UNC79: variants seen among roughly 807,000 people sequenced by gnomAD.
UNC79 encodes unc-79 subunit of NALCN channel complex.
UNC79 carries 37 observed loss-of-function variants against 283.1 expected under a neutral mutation model. That is an observed-to-expected ratio of 0.13 (90% CI 0.10 to 0.17). The LOEUF (loss-of-function observed/expected upper bound fraction) is 0.17. Ranked by LOEUF, UNC79 falls within the 10% of genes least tolerant of loss-of-function variation. UNC79 has a pLI of 1.00. For missense variants in UNC79, 2,272 were observed against 3,211.1 expected (o/e 0.71, Z 7.07); for synonymous variants, 1,107 against 1,200.2 (o/e 0.92, Z 1.61).
At chr14:93,599,382 G>T (rs866648239) in intron 24 of UNC79, among the ~76,000 whole-genome samples, 3 of 151,244 alleles carry the variant, frequency 2.0e-5, no homozygotes, top group Admixed American at 6.6e-5. Context: ...GTGTGTGTGT[G>T]TGTATGTGTG....
At chr14:93,519,135 A>C (rs938386212) in intron 7 of UNC79, among the ~76,000 whole-genome samples, 78 of 151,962 alleles carry the variant, frequency 5.1e-4, no homozygotes, top group Non-Finnish European at 4.3e-4. Context: ...GAAATTTACA[A>C]CTTCAGTTAT....
At chr14:93,637,059 C>G (rs2068569293) in intron 31 of UNC79, 157 bp from the exon 35 acceptor site, 2 of 666,346 alleles carry the variant, frequency 3.0e-6, no homozygotes, top group East Asian at 2.7e-5. Context: ...CCCAAATAAC[C>G]CTACCCTAAA....
intron 35 of UNC79, among the ~76,000 whole-genome samples, chr14:93,652,591 C>G (rs767158417): frequency 6.6e-6 from 1 of 152,082 alleles, no homozygotes; most frequent in Non-Finnish European, 1.5e-5. Context: ...TGTGTGTTGA[C>G]TTTTGTGAGA....
chr14:93,588,458 C>T (rs1220337180), intron 22 of UNC79, among the ~76,000 whole-genome samples: 1 of 152,046 alleles, frequency 6.6e-6, no homozygotes, highest in South Asian at 2.1e-4. Context: ...AAAATCTGAA[C>T]GGCCAGGTGC....
At position 93,477,696 on chromosome 14, in the gene UNC79, A is replaced by G; in HGVS notation, c.587A>G (p.Tyr196Cys). The G allele has an allele frequency of 1.9e-6, 3 of 1,613,026 alleles. No homozygotes were observed. In the East Asian group the frequency reaches 6.7e-5, roughly 36 times the overall value. ...TTTCTGCACAAGGATATCATTGAAT[A>G]TCTTAGCACATCTTTTCTACCAATG... The change falls in exon 4 of 49, where the codon TAT becomes TGT. Residue 196 changes from tyrosine (Y) to cysteine (C), a missense_variant. By Grantham distance (194) the Tyr-to-Cys change is radical. Around this residue, in one of 11 missense-constraint regions of UNC79, gnomAD observed 194 missense variants for 268.9 expected, o/e 0.72. Coordinates refer to ENST00000555664, the Ensembl canonical transcript of UNC79.
At chr14:93,706,103 G>T (rs1776716800) in intron 48 of UNC79, among the ~76,000 whole-genome samples, 1 of 152,070 alleles carries the variant, frequency 6.6e-6, no homozygotes. Context: ...TGTGGCGATT[G>T]CCCAGATGGC....
At chr14:93,689,487 CT>C (rs57033556) in intron 44 of UNC79, 3,688 of 119,316 alleles carry the variant, frequency 0.031, 50 homozygotes, top group South Asian at 0.063. Context: ...GAAGAAATTT[CT>C]TTTTTTTTTT....
At chr14:93,608,749 A>C (rs1373260800) in intron 26 of UNC79, among the ~76,000 whole-genome samples, 3 of 152,192 alleles carry the variant, frequency 2.0e-5, no homozygotes, top group African/African-American at 7.2e-5. Context: ...GTCAGTTCAC[A>C]TAGAGAAACG....
exon 17 of UNC79, chr14:93,575,060 A>G (rs796871365): frequency 6.2e-7 from 1 of 1,607,110 alleles, no homozygotes; most frequent in Non-Finnish European, 8.5e-7. Flanking sequence ...TTCCCTAGGT[A>G]TTATCGGAGT....
Position 93,572,915 on chromosome 14 carries a change from G to T in UNC79, c.2070+99G>T. 3.4e-6 allele frequency: 5 copies of T among 1,477,894 alleles called. No homozygotes were observed. In the South Asian group the frequency reaches 5.5e-5, roughly 16 times the overall value. 91.5% of individuals were successfully genotyped at this position (1,477,894 alleles called of 1,614,324 possible). On this transcript the variant is annotated intron_variant, in intron 16 of 48. Coordinates refer to ENST00000555664, the Ensembl canonical transcript of UNC79. ...GAGTGGGAGTTATAGCAAAGACTTC[G>T]TAAGTCCCCATGTTTGCCAAGAAAG...
At chr14:93,593,899 G>A (rs935152761) in intron 23 of UNC79, 62 bp downstream of exon 23, 6 of 1,465,074 alleles carry the variant, frequency 4.1e-6, no homozygotes, top group African/African-American at 2.9e-5. Flanking sequence ...TCTGGTCACG[G>A]CATCTTTTTT....
intron 30 of UNC79, among the ~76,000 whole-genome samples, chr14:93,624,082 A>G (rs1333322408): frequency 6.6e-6 from 1 of 152,152 alleles, no homozygotes; most frequent in African/African-American, 2.4e-5. Flanking sequence ...ACCAGGTCAC[A>G]TGGCCAGACA....
chr14:93,507,282 A>G (rs1276945171), intron 7 of UNC79, among the ~76,000 whole-genome samples: 1 of 152,216 alleles, frequency 6.6e-6, no homozygotes, highest in Admixed American at 6.5e-5. Context: ...TTGCTGGGTC[A>G]TAGAGTTTAT....
chr14:93,554,550 T>G (rs2062062238), intron 14 of UNC79, among the ~76,000 whole-genome samples: 1 of 152,184 alleles, frequency 6.6e-6, no homozygotes, highest in African/African-American at 2.4e-5. Context: ...TGCAAATTTT[T>G]TGTTTAAGAG....
chr14:93,600,549 T>C lies in UNC79; in HGVS notation c.3373-20T>C. 4 of 1,563,600 alleles carry C rather than the reference T, an allele frequency of 2.6e-6. No individual in the cohort carries two copies. The highest frequency in any genetic ancestry group is 3.5e-6 in the Non-Finnish European group (4 of 1,157,744). On this transcript the variant is annotated intron_variant, in intron 24 of 48. Coordinates refer to ENST00000555664, the Ensembl canonical transcript of UNC79. ...ATCTGACTTTCTTCTTTTCTTTTTT[T>C]TTTTCCTCCTCTTTCCCAGGGTCTA...
intron 42 of UNC79, among the ~76,000 whole-genome samples, chr14:93,683,283 A>C (rs941954131): frequency 6.6e-6 from 1 of 152,078 alleles, no homozygotes. Context: ...TTCCACGTGC[A>C]TACTCGGGGA....
Position 93,519,058 on chromosome 14 carries a change from T to A in UNC79, c.899-4920T>A, listed in dbSNP as rs1417801519. Among the ~76,000 whole-genome samples, 3 of 151,882 alleles carry A rather than the reference T, an allele frequency of 2.0e-5. No individual in the cohort carries two copies. In the East Asian group the frequency reaches 5.8e-4, roughly 29 times the overall value. ...AATAGGTTAAGTTGTTTGAGAGTGT[T>A]TTCAAGTCTTATATATTTGCTGATT... is the stretch of plus-strand genomic sequence containing the variant. On this transcript the variant is annotated intron_variant, in intron 7 of 48. Coordinates refer to ENST00000555664, the Ensembl canonical transcript of UNC79.
intron 22 of UNC79, among the ~76,000 whole-genome samples, chr14:93,588,881 G>A (rs2064437810): frequency 6.6e-6 from 1 of 152,068 alleles, no homozygotes; most frequent in Non-Finnish European, 1.5e-5. Flanking sequence ...ACAAAAGGTA[G>A]GGTGGAAAAC....
At chr14:93,463,475 G>C (rs1454451924) in intron 1 of UNC79, among the ~76,000 whole-genome samples, 1 of 152,130 alleles carries the variant, frequency 6.6e-6, no homozygotes, top group Non-Finnish European at 1.5e-5. Flanking sequence ...CTTTCCCTTC[G>C]ACAAGAGAGA....
Sources: gnomAD v4.1 joint callset for allele counts (sites outside exome capture counted in the v4.1 genomes callset) on GRCh38, gnomAD v4.1.1 for gene constraint, gnomAD v4.1.1 regional missense constraint, MANE v1.5 for transcripts, NCBI Gene and HGNC (gene_info 2026-07-23, HGNC 2026-07-21) for gene names.